INTS11: variants seen among roughly 807,000 people sequenced by gnomAD.
INTS11 encodes CPSF3-like protein.
Under a neutral mutation model 78.6 loss-of-function variants are expected in INTS11, and 77 were observed. The observed-to-expected ratio is 0.98, with a 90% CI of 0.81 to 1.18. The LOEUF (loss-of-function observed/expected upper bound fraction) is 1.18. Ranked by LOEUF, INTS11 falls within the 50% of genes most tolerant of loss-of-function variation. INTS11 has a pLI of 0.00. For synonymous variants in INTS11, 441 were observed against 326.9 expected (o/e 1.35, Z -3.77); for missense variants, 875 against 825.9 (o/e 1.06, Z -0.73).
In INTS11 at chr1:1,321,027, T is replaced by G; in HGVS notation, c.95A>C (p.Asp32Ala). The G allele has an allele frequency of 6.2e-7, 1 of 1,613,148 alleles. No individual in the cohort carries two copies. The highest frequency in any genetic ancestry group is 1.7e-4 in the Middle Eastern group (1 of 6,060). ...VSIAGKNVML[D>A]CGMHMGFNDD... is the part of the protein sequence containing the mutation. ...ATTGAAGCCCATGTGCATTCCACAG[T>G]CCAGCATGACATTCTTGCCCGCAAT... Residue 32 changes from aspartate (D) to alanine (A), a missense_variant, in exon 2 of 17, where the codon GAC becomes GCC. Physicochemically the swap from Asp to Ala is moderately radical, Grantham distance 126. Transcript: ENST00000435064.
intron 4 of INTS11, among the ~76,000 whole-genome samples, chr1:1,318,058 G>A (rs1415102519): frequency 6.6e-6 from 1 of 152,040 alleles, no homozygotes; most frequent in Non-Finnish European, 1.5e-5. Context: ...GTTTAGTAGA[G>A]ACAGGGTTTC....
chr1:1,311,622 A>C lies in INTS11; in HGVS notation c.*237T>G. The C allele has an allele frequency of 1.4e-6, 1 of 714,114 alleles. No homozygotes were observed. The highest frequency in any genetic ancestry group is 1.5e-5 in the South Asian group (1 of 66,964). 44.2% of individuals were successfully genotyped at this position (714,114 alleles called of 1,614,324 possible). A position where few individuals can be genotyped will look rare whatever the true frequency, so the allele number is the denominator to read the frequency against. ...TAGTCTTTTGTTCAGCTTTTACTGG[A>C]AACTGCTGTCTAGGACCACCTGCCC... On this transcript the variant is annotated 3_prime_UTR_variant, in exon 17 of 17. Coordinates refer to ENST00000435064, the MANE Select transcript of INTS11 (RefSeq NM_017871.6).
chr1:1,319,170 A>C (rs1642797786), intron 4 of INTS11, 126 bp downstream of exon 4: 1 of 897,468 alleles, frequency 1.1e-6, no homozygotes, highest in African/African-American at 1.6e-5. Flanking sequence ...TGCTGGACGC[A>C]AGAGTGAGGT....
At chr1:1,318,872 C>T (rs1642773852) in intron 4 of INTS11, 1 of 666,430 alleles carries the variant, frequency 1.5e-6, no homozygotes, top group South Asian at 1.6e-5. Context: ...TCACTTCTTC[C>T]CTGACCCACA....
chr1:1,314,249 G>A lies in INTS11; in HGVS notation c.767+52C>T, dbSNP rs773006232. ...GACAGGGCTGCCCACCAACTGGACT[G>A]TGTTCAGGCCGGGCCAGGGGCTCCT... On this transcript the variant is annotated intron_variant, in intron 8 of 16. Coordinates refer to ENST00000435064, the MANE Select transcript of INTS11 (RefSeq NM_017871.6). This position sits in a 1 kb window ranked among gnomAD's most constrained non-coding sequence, Gnocchi z 4.2. 9 of 1,499,742 alleles carry A rather than the reference G, an allele frequency of 6.0e-6. No homozygotes were observed. In the Admixed American group the frequency reaches 7.8e-5, roughly 13 times the overall value. The allele number at this position is 1,499,742 out of a possible 1,614,324, so 92.9% of individuals were successfully genotyped here.
intron 10 of INTS11, 175 bp from the exon 11 acceptor site, chr1:1,313,299 C>T: frequency 2.2e-6 from 2 of 906,102 alleles, no homozygotes; most frequent in South Asian, 1.6e-5. Flanking sequence ...CTGTCCAGGG[C>T]TGGGCTGGGG....
intron 1 of INTS11, chr1:1,321,914 C>T: frequency 2.2e-6 from 3 of 1,356,698 alleles, no homozygotes; most frequent in South Asian, 1.8e-5. Context: ...CCACCTCCCC[C>T]TGCCAGCCAC....
Position 1,312,597 on chromosome 1 carries a change from C to G in INTS11, c.1398G>C (p.Ala466=). The G allele has an allele frequency of 6.4e-7, 1 of 1,572,190 alleles. No homozygotes were observed. The change falls in exon 13 of 17, where the codon GCG becomes GCC. Residue 466 remains alanine, a synonymous_variant. Coordinates refer to ENST00000435064, the MANE Select transcript of INTS11 (RefSeq NM_017871.6). The part of the protein sequence containing the change: ...ISLGLLKREM[A]QGLLPEAKKP... The stretch of plus-strand genomic sequence containing the variant: ...TGCCCTGCCCAGCCCGCATACCCTG[C>G]GCCATCTCCCGCTTCAGCAGCCCCA...
intron 4 of INTS11, chr1:1,316,570 G>A (rs930158226): frequency 6.7e-6 from 1 of 148,878 alleles, no homozygotes; most frequent in Non-Finnish European, 1.5e-5. Flanking sequence ...TGGGCAACAA[G>A]AGCGAGAGTG....
At chr1:1,317,379 G>T in intron 4 of INTS11, 1 of 652,172 alleles carries the variant, frequency 1.5e-6, no homozygotes, top group Non-Finnish European at 1.9e-6. Context: ...TGGGCAATGA[G>T]AGCGAAACTC....
At position 1,312,144 on chromosome 1, in the gene INTS11, G is replaced by A. The variant is rs769722262; in HGVS notation, c.1611C>T (p.Val537=). 3.2e-6 allele frequency: 5 copies of A among 1,556,376 alleles called. No individual in the cohort carries two copies. The African/African-American group carries it at 4.1e-5, about 13-fold the overall frequency. Residue 537 remains valine, a synonymous_variant, in exon 16 of 17, where the codon GTC becomes GTT. Coordinates refer to ENST00000435064, the MANE Select transcript of INTS11 (RefSeq NM_017871.6). The part of the protein sequence containing the change: ...ALRVYSHLKS[V]LKDHCVQHLP... ...GGTGCTGCACACAGTGGTCCTTCAG[G>A]ACGCTGTGGGGAGGCTCGGTGAGAC...
rs1258554209 is a variant in INTS11, at chr1:1,312,705, AC to A, written c.1295-6del. 2.5e-6 allele frequency: 4 copies of A among 1,590,956 alleles called. No individual in the cohort carries two copies. Among genetic ancestry groups the A allele is most frequent in the Middle Eastern group, 3.3e-4 (2 of 5,978 alleles). The stretch of plus-strand genomic sequence containing the variant: ...CCGGCATGTAGCAGTTGACCCCTGG[AC>A]CCCGGGGGAAGAGAGAGCCTCAGCC... On this transcript the variant is annotated splice_polypyrimidine_tract_variant and splice_region_variant and intron_variant, in intron 12 of 16. Transcript: ENST00000435064.
intron 1 of INTS11, among the ~76,000 whole-genome samples, chr1:1,324,373 G>C (rs1223849022): frequency 6.6e-6 from 1 of 152,144 alleles, no homozygotes; most frequent in Admixed American, 6.5e-5. Flanking sequence ...GAACCTCGGG[G>C]CTCGCGTTCT....
intron 6 of INTS11, 113 bp downstream of exon 6, chr1:1,315,291 G>T: frequency 7.5e-7 from 1 of 1,327,386 alleles, no homozygotes; most frequent in Non-Finnish European, 1.1e-6. Flanking sequence ...AGGCCGCACA[G>T]GACATGGGAG....
Position 1,314,218 on chromosome 1 carries a change from A to G in INTS11, c.767+83T>C. On this transcript the variant is annotated intron_variant, in intron 8 of 16. Coordinates refer to ENST00000435064, the MANE Select transcript of INTS11 (RefSeq NM_017871.6). This position sits in a 1 kb window ranked among gnomAD's most constrained non-coding sequence, Gnocchi z 4.2. ...CAAGCAGGGCCAAGATGCCACCGCT[A>G]CGCTGGACAGGGCTGCCCACCAACT... is the stretch of plus-strand genomic sequence containing the variant. The G allele has an allele frequency of 7.7e-7, 1 of 1,295,368 alleles. No homozygotes were observed. The highest frequency in any genetic ancestry group is 1.1e-6 in the Non-Finnish European group (1 of 914,252). 80.2% of individuals were successfully genotyped at this position (1,295,368 alleles called of 1,614,324 possible). A position where few individuals can be genotyped will look rare whatever the true frequency, so the allele number is the denominator to read the frequency against.
rs575875502 is a variant in INTS11 at position 1,324,629 on chromosome 1, A to AC, written c.-22dup. ...GGCATCGTCTCCGCCGCGCTCCCGG[A>AC]CCCGCGAGGCCCGCCTGCGGTGATG... On this transcript the variant is annotated 5_prime_UTR_variant, in exon 1 of 17. Transcript: ENST00000435064. The AC allele has an allele frequency of 0.013, 20,457 of 1,598,434 alleles. 168 individuals are homozygous for AC. Among genetic ancestry groups the AC allele is most frequent in the Middle Eastern group, 0.021 (129 of 6,002 alleles).
At chr1:1,322,811 G>A (rs1643030842) in intron 1 of INTS11, 1 of 894,058 alleles carries the variant, frequency 1.1e-6, no homozygotes, top group Non-Finnish European at 1.4e-6. Context: ...CACAGCAGTG[G>A]TCCAGTGAGC....
chr1:1,314,187 C>G lies in INTS11; in HGVS notation c.767+114G>C. 9.6e-7 allele frequency: 1 copy of G among 1,042,854 alleles called. No homozygotes were observed. Among genetic ancestry groups the G allele is most frequent in the East Asian group, 2.6e-5 (1 of 38,490 alleles). The allele number at this position is 1,042,854 out of a possible 1,614,324, so 64.6% of individuals were successfully genotyped here. A position where few individuals can be genotyped will look rare whatever the true frequency, so the allele number is the denominator to read the frequency against. The stretch of plus-strand genomic sequence containing the variant: ...ACAGCACACGAGCGGCCCCCCAGGA[C>G]AGCAGCAAGCAGGGCCAAGATGCCA... On this transcript the variant is annotated intron_variant, in intron 8 of 16. Coordinates refer to ENST00000435064, the MANE Select transcript of INTS11 (RefSeq NM_017871.6). The surrounding 1 kb of genome is among the most constrained non-coding windows in gnomAD (Gnocchi z 4.2).
In INTS11 at chr1:1,321,129, C is replaced by A. The variant is rs188396566; in HGVS notation, c.29-36G>T. On this transcript the variant is annotated intron_variant, in intron 1 of 16. Coordinates refer to ENST00000435064, the MANE Select transcript of INTS11 (RefSeq NM_017871.6). ...GAGGGCAGATGAGTCACTGCTGCGC[C>A]CCCCGCCCCCTGTGCTGCCTCCCCA... 7.4e-4 allele frequency: 1,123 copies of A among 1,527,062 alleles called. 7 individuals are homozygous for A. In the African/African-American group the frequency reaches 0.012, roughly 17 times the overall value. The allele number at this position is 1,527,062 out of a possible 1,614,324, so 94.6% of individuals were successfully genotyped here.
Sources: gnomAD v4.1 joint callset for allele counts (sites outside exome capture counted in the v4.1 genomes callset) on GRCh38, gnomAD v4.1.1 for gene constraint, Gnocchi (gnomAD v3.1) non-coding constraint, MANE v1.5 for transcripts, NCBI Gene and HGNC (gene_info 2026-07-23, HGNC 2026-07-21) for gene names.